Variants in LPIN1 observed in about 807,000 individuals in gnomAD.
The protein encoded by LPIN1 is phosphatidate phosphatase LPIN1.
LPIN1 carries 71 observed loss-of-function variants against 107.5 expected under a neutral mutation model. That is an observed-to-expected ratio of 0.66 (90% CI 0.55 to 0.80). The LOEUF is 0.80. LPIN1 is among the 30% of genes least tolerant of loss of function. The probability of loss-of-function intolerance (pLI) is 0.00; values close to 1 mark genes in which losing one functional copy is unlikely to be tolerated. For missense variants in LPIN1, 1,043 were observed against 1,160.6 expected (o/e 0.90, Z 1.47); for synonymous variants, 445 against 452.6 (o/e 0.98, Z 0.21).
At chr2:11,770,959 A>ACACC (rs1285115283) in intron 3 of LPIN1, among the ~76,000 whole-genome samples, 4 of 148,118 alleles carry the variant, frequency 2.7e-5, no homozygotes, top group Admixed American at 2.7e-4. Context: ...TCTTTCTCTC[A>ACACC]CACCCACCCA....
At chr2:11,799,599 A>G (rs1305491351) in intron 14 of LPIN1, among the ~76,000 whole-genome samples, 1 of 151,962 alleles carries the variant, frequency 6.6e-6, no homozygotes, top group Non-Finnish European at 1.5e-5. Flanking sequence ...CGTAGGTGTT[A>G]GAACTGGAAG....
At chr2:11,806,591 A>C (rs1678728098) in intron 17 of LPIN1, among the ~76,000 whole-genome samples, 1 of 152,200 alleles carries the variant, frequency 6.6e-6, no homozygotes, top group Admixed American at 6.5e-5. Flanking sequence ...AAGTATGTAC[A>C]TTAAAAAAGC....
intron 1 of LPIN1, among the ~76,000 whole-genome samples, chr2:11,725,162 G>A (rs1309151495): frequency 6.6e-6 from 1 of 152,222 alleles, no homozygotes; most frequent in Admixed American, 6.5e-5. Flanking sequence ...TTGGGAGGCT[G>A]AGGCAGGAGA....
chr2:11,698,465 C>T (rs1662699826), intron 1 of LPIN1, among the ~76,000 whole-genome samples: 2 of 152,218 alleles, frequency 1.3e-5, no homozygotes, highest in Non-Finnish European at 2.9e-5. Flanking sequence ...GTGGCTCCAA[C>T]AGTTTCAGAA....
At chr2:11,720,152 A>G (rs544046413), upstream of LPIN1, among the ~76,000 whole-genome samples, 2 of 152,326 alleles carry the variant, frequency 1.3e-5, no homozygotes, top group African/African-American at 4.8e-5. Context: ...AAAATGGCCC[A>G]CAATAAAGGC....
intron 2 of LPIN1, among the ~76,000 whole-genome samples, chr2:11,766,991 G>GT (rs1188732235): frequency 6.6e-6 from 1 of 152,098 alleles, no homozygotes. Flanking sequence ...GTCCCAGAGG[G>GT]GGTCCGTTCA....
chr2:11,819,527 T>C lies in LPIN1; in HGVS notation c.2446T>C (p.Leu816=), dbSNP rs958776011. ...GCCAGAAAAGTTTAAAGTCCAGTGT[T>C]TGACAGACATCAAAAACCTGTTTTT... is the stretch of plus-strand genomic sequence containing the variant. The part of the protein sequence containing the change: ...KKPEKFKVQC[L]TDIKNLFFPN... Residue 816 remains leucine (L), a synonymous_variant, in exon 19 of 21, where the codon TTG becomes CTG. Transcript: ENST00000674199. 2 of 1,613,924 alleles carry C rather than the reference T, an allele frequency of 1.2e-6. No homozygotes were observed. Among genetic ancestry groups the C allele is most frequent in the Non-Finnish European group, 1.7e-6 (2 of 1,179,872 alleles).
chr2:11,726,287 CT>C (rs1664642820), intron 1 of LPIN1, among the ~76,000 whole-genome samples: 1 of 152,152 alleles, frequency 6.6e-6, no homozygotes, highest in Non-Finnish European at 1.5e-5. Flanking sequence ...AAAACGCTAA[CT>C]CCTTAGGCTG....
chr2:11,782,548 G>A (rs1294469610), intron 8 of LPIN1, 41 bp downstream of exon 8: 1 of 1,611,030 alleles, frequency 6.2e-7, no homozygotes, highest in Non-Finnish European at 8.5e-7. Context: ...TCTGTTCATA[G>A]TTTGTGCTCA....
chr2:11,820,376 T>A, intron 19 of LPIN1, 35 bp from the exon 20 acceptor site: 1 of 1,383,024 alleles, frequency 7.2e-7, no homozygotes, highest in Non-Finnish European at 1.0e-6. Context: ...AACTCTTTTC[T>A]AATGAACACT....
intron 1 of LPIN1, among the ~76,000 whole-genome samples, chr2:11,689,905 A>AAAAAG (rs917403861): frequency 6.6e-6 from 1 of 152,194 alleles, no homozygotes; most frequent in African/African-American, 2.4e-5. Context: ...ACTCTGTCTC[A>AAAAAG]AAAAGAAAAG....
intron 18 of LPIN1, among the ~76,000 whole-genome samples, chr2:11,815,972 A>G (rs943633485): frequency 7.2e-5 from 11 of 152,204 alleles, no homozygotes; most frequent in African/African-American, 2.7e-4. Flanking sequence ...ATTGTGGTCA[A>G]CCATAGGACA....
intron 1 of LPIN1, among the ~76,000 whole-genome samples, chr2:11,680,415 T>C (rs1558710130): frequency 6.6e-6 from 1 of 151,710 alleles, no homozygotes; most frequent in African/African-American, 2.4e-5. Flanking sequence ...AGCTCTGTGG[T>C]GGGGTAACGG....
intron 1 of LPIN1, chr2:11,682,846 T>G (rs1052172768): frequency 3.9e-5 from 6 of 152,230 alleles, no homozygotes; most frequent in African/African-American, 1.4e-4. Flanking sequence ...GTCACTCAGG[T>G]TTACGCCTAT....
In LPIN1 at chr2:11,826,901, G is replaced by T. The variant is rs1452369133; in HGVS notation, c.*2110G>T. 1 of 152,578 alleles carries T rather than the reference G, an allele frequency of 6.6e-6. No individual in the cohort carries two copies. The highest frequency in any genetic ancestry group is 1.5e-5 in the Non-Finnish European group (1 of 68,058). The allele number at this position is 152,578 out of a possible 1,614,324, so 9.5% of individuals were successfully genotyped here. ...TCCAGAAAGTCACACTCTCAGATCTGTGTCAAGTTCAATGTGAGCCCTGGC... is the reference window on the plus strand; with the variant it reads ...TCCAGAAAGTCACACTCTCAGATCTTTGTCAAGTTCAATGTGAGCCCTGGC... On this transcript the variant is annotated 3_prime_UTR_variant, in exon 21 of 21. Transcript: ENST00000674199.
upstream of LPIN1, among the ~76,000 whole-genome samples, chr2:11,723,106 G>A (rs796304136): frequency 3.0e-4 from 46 of 152,304 alleles, no homozygotes; most frequent in African/African-American, 1.1e-3. Flanking sequence ...CCTTCCAAAT[G>A]TGGCTTTTCC....
intron 1 of LPIN1, among the ~76,000 whole-genome samples, chr2:11,756,012 C>G (rs113841986): frequency 6.6e-6 from 1 of 152,226 alleles, no homozygotes; most frequent in Admixed American, 6.5e-5. Flanking sequence ...TAAGCCACCA[C>G]GCCTGGCCAC....
Position 11,694,664 on chromosome 2 carries a change from C to A in LPIN1, c.81+16936C>A, listed in dbSNP as rs184068758. Among the ~76,000 whole-genome samples the A allele has an allele frequency of 3.4e-3, 519 of 152,268 alleles. 4 individuals carry two copies. The highest frequency in any genetic ancestry group is 0.012 in the African/African-American group (503 of 41,540). On this transcript the variant is annotated intron_variant, in intron 1 of 21. Transcript: ENST00000449576. ...CCCCCATCTGCTTCCCAGCCCAGCA[C>A]CTAGCACAGGGCTGAGCACATGATA...
At chr2:11,725,078 A>C (rs532555645) in intron 1 of LPIN1, among the ~76,000 whole-genome samples, 1 of 152,114 alleles carries the variant, frequency 6.6e-6, no homozygotes, top group Non-Finnish European at 1.5e-5. Flanking sequence ...CGGCTAAAAC[A>C]GTGAAATCCC....
Sources: allele counts gnomAD v4.1 joint callset (sites outside exome capture counted in the v4.1 genomes callset), GRCh38; gene constraint gnomAD v4.1.1; transcripts MANE v1.5; gene names NCBI Gene and HGNC (gene_info 2026-07-23, HGNC 2026-07-21).